Variants in ZCCHC2 observed in about 807,000 individuals in gnomAD.
ZCCHC2 encodes the protein zinc finger CCHC-type containing 2, also known as zinc finger CCHC domain-containing protein 2.
A neutral mutation model predicts 103.6 loss-of-function variants in ZCCHC2; 39 were observed. The observed-to-expected ratio is 0.38, with a 90% CI of 0.29 to 0.49. The LOEUF is 0.49. ZCCHC2 is among the 20% of genes least tolerant of loss of function. ZCCHC2 has a pLI of 0.96. For missense variants in ZCCHC2, 1,483 were observed against 1,491.0 expected, an observed-to-expected ratio of 0.99 and a Z score of 0.09; for synonymous variants, 687 against 608.9, an observed-to-expected ratio of 1.13 and a Z score of -1.89.
In ZCCHC2 at chr18:62,538,024, C is replaced by T. The variant is rs1321521944; in HGVS notation, c.940-1657C>T. ...ATGAAAACATTTTTTTCATATTTTGCATTAGTTTACATTTGAAAGTATTGC... is the reference window on the plus strand; with the variant it reads ...ATGAAAACATTTTTTTCATATTTTGTATTAGTTTACATTTGAAAGTATTGC... On this transcript the variant is annotated intron_variant, in intron 1 of 13. Transcript: ENST00000269499. Among the ~76,000 whole-genome samples, 3 of 152,152 alleles carry T rather than the reference C, an allele frequency of 2.0e-5. No homozygotes were observed. The East Asian group carries it at 5.8e-4, about 29-fold the overall frequency.
intron 1 of ZCCHC2, among the ~76,000 whole-genome samples, chr18:62,527,756 T>A (rs1011775273): frequency 6.6e-6 from 1 of 152,222 alleles, no homozygotes. Flanking sequence ...TACAGACTGC[T>A]TATATAGCAT....
intron 11 of ZCCHC2, among the ~76,000 whole-genome samples, chr18:62,567,660 A>G (rs533978847): frequency 1.3e-5 from 2 of 152,244 alleles, no homozygotes; most frequent in East Asian, 1.9e-4. Flanking sequence ...AATGCTCACC[A>G]TGGCCAGGCG....
intron 1 of ZCCHC2, among the ~76,000 whole-genome samples, chr18:62,527,743 A>G (rs530981418): frequency 2.0e-5 from 3 of 152,212 alleles, no homozygotes; most frequent in Non-Finnish European, 4.4e-5. Context: ...TGTGTTAGGA[A>G]GTTACAGACT....
rs748361625 is a variant in ZCCHC2, at chr18:62,574,212, C to T, written c.2131C>T (p.Pro711Ser). 5 of 1,614,032 alleles carry T rather than the reference C, an allele frequency of 3.1e-6. No homozygotes were observed. The highest frequency in any genetic ancestry group is 4.2e-6 in the Non-Finnish European group (5 of 1,179,898). The change falls in exon 13 of 14, where the codon CCC becomes TCC. Residue 711 changes from proline (P) to serine (S), a missense_variant. By Grantham distance (74) the Pro-to-Ser change is moderately conservative (BLOSUM62 -1). Around this residue, in one of 3 missense-constraint regions of ZCCHC2, gnomAD observed 884 missense variants for 907.5 expected, o/e 0.97. Coordinates refer to ENST00000269499, the MANE Select transcript of ZCCHC2 (RefSeq NM_017742.6). ...CCTTTTAGAAGATCCCTTAAACTCA[C>T]CCAAGTATCAGCATATTTCTTTTAT... Reference protein sequence around the residue: ...GNLLEDPLNSPKYQHISFMPT... With the variant: ...GNLLEDPLNSSKYQHISFMPT...
Position 62,575,075 on chromosome 18 carries a change from T to C in ZCCHC2, c.2994T>C (p.Asn998=). 1 of 1,613,980 alleles carries C rather than the reference T, an allele frequency of 6.2e-7. No homozygotes were observed. Among genetic ancestry groups the C allele is most frequent in the African/African-American group, 1.3e-5 (1 of 75,044 alleles). ...YISAVGNTNA[N]GTVVPPQQMG... is the part of the protein sequence containing the mutation. The stretch of plus-strand genomic sequence containing the variant: ...GTGCTGTGGGGAACACGAACGCTAA[T>C]GGGACAGTAGTGCCACCGCAGCAGA... Residue 998 remains asparagine, a synonymous_variant, in exon 13 of 14, where the codon AAT becomes AAC. Transcript: ENST00000269499.
chr18:62,540,951 A>G (rs958072238), intron 2 of ZCCHC2, among the ~76,000 whole-genome samples: 6 of 152,216 alleles, frequency 3.9e-5, no homozygotes, highest in Non-Finnish European at 8.8e-5. Flanking sequence ...CTGTAATGTC[A>G]TAGTGGCTTT....
At position 62,523,376 on chromosome 18, in the gene ZCCHC2, G is replaced by GGGGGGGGGCCC; in HGVS notation, c.-49_-48insGGGGGGGGCCC. 3.6e-5 allele frequency: 36 copies of GGGGGGGGGCCC among 1,012,298 alleles called. No individual in the cohort carries two copies. Among genetic ancestry groups the GGGGGGGGGCCC allele is most frequent in the Non-Finnish European group, 4.2e-5 (36 of 848,936 alleles). The allele number at this position is 1,012,298 out of a possible 1,614,324, so 62.7% of individuals were successfully genotyped here. On this transcript the variant is annotated 5_prime_UTR_variant, in exon 1 of 14. Coordinates refer to ENST00000269499, the MANE Select transcript of ZCCHC2 (RefSeq NM_017742.6). ...GCCTCGGCCCGTGCTCCACCTCGCGGCCCCTCCCGCCCGCCCCCGCTCGCA... is the reference window on the plus strand; with the variant it reads ...GCCTCGGCCCGTGCTCCACCTCGCGGGGGGGGGGCCCCCCCTCCCGCCCGCCCCCGCTCGCA...
chr18:62,575,929 T>A (rs1916824150), intron 13 of ZCCHC2, among the ~76,000 whole-genome samples: 1 of 152,068 alleles, frequency 6.6e-6, no homozygotes, highest in Non-Finnish European at 1.5e-5. Flanking sequence ...AGTAATTTAG[T>A]TATCTGACAT....
rs1916879995 is a variant in ZCCHC2 at position 62,577,149 on chromosome 18, A to G, written c.*570A>G. The G allele has an allele frequency of 1.3e-5, 2 of 154,304 alleles. No homozygotes were observed. The highest frequency in any genetic ancestry group is 2.4e-5 in the African/African-American group (1 of 41,458). 9.6% of individuals were successfully genotyped at this position (154,304 alleles called of 1,614,324 possible). On this transcript the variant is annotated 3_prime_UTR_variant, in exon 14 of 14. Coordinates refer to ENST00000269499, the MANE Select transcript of ZCCHC2 (RefSeq NM_017742.6). ...TCACCCTGATCTTATGGGAGGAATCAAACTCCCAAAATAGTGTGTATATAT... is the reference window on the plus strand; with the variant it reads ...TCACCCTGATCTTATGGGAGGAATCGAACTCCCAAAATAGTGTGTATATAT...
At chr18:62,567,280 A>G (rs1376840817) in intron 11 of ZCCHC2, among the ~76,000 whole-genome samples, 1 of 152,230 alleles carries the variant, frequency 6.6e-6, no homozygotes, top group Non-Finnish European at 1.5e-5. Context: ...TTTTTATGGA[A>G]CAACAGCTCA....
Position 62,539,671 on chromosome 18 carries a change from T to C in ZCCHC2, c.940-10T>C, listed in dbSNP as rs1915088278. On this transcript the variant is annotated splice_polypyrimidine_tract_variant and intron_variant, in intron 1 of 13. Transcript: ENST00000269499. ...GTTTAAGTTAACGTATCTCCCTCTTTCTCATCTAGAACAACTCTGCTCATG... is the reference window on the plus strand; with the variant it reads ...GTTTAAGTTAACGTATCTCCCTCTTCCTCATCTAGAACAACTCTGCTCATG... 6.4e-7 allele frequency: 1 copy of C among 1,571,686 alleles called. No homozygotes were observed. Among genetic ancestry groups the C allele is most frequent in the African/African-American group, 1.4e-5 (1 of 73,878 alleles).
chr18:62,575,134 G>C lies in ZCCHC2; in HGVS notation c.3053G>C (p.Arg1018Thr), dbSNP rs754173374. Residue 1018 changes from arginine to threonine, a missense_variant, in exon 13 of 14, where the codon AGG (arginine) becomes ACG (threonine). By Grantham distance (71) the Arg-to-Thr change is moderately conservative. Transcript: ENST00000269499. ...GSGPCGSCGR[R>T]CSCGTNGNLQ... ...GGTCCTTGTGGTTCTTGTGGGCGAAGGTGCAGCTGTGGGACCAATGGAAAC... is the reference window on the plus strand; with the variant it reads ...GGTCCTTGTGGTTCTTGTGGGCGAACGTGCAGCTGTGGGACCAATGGAAAC... 3 of 1,614,020 alleles carry C rather than the reference G, an allele frequency of 1.9e-6. No individual in the cohort carries two copies. Among genetic ancestry groups the C allele is most frequent in the Non-Finnish European group, 2.5e-6 (3 of 1,179,900 alleles).
chr18:62,579,356 CA>C (rs1254343429), downstream of ZCCHC2, among the ~76,000 whole-genome samples: 1 of 152,166 alleles, frequency 6.6e-6, no homozygotes, highest in Non-Finnish European at 1.5e-5. Flanking sequence ...AATCCAGGCT[CA>C]AAGTTTTTAA....
intron 4 of ZCCHC2, among the ~76,000 whole-genome samples, chr18:62,549,369 A>G (rs1915566420): frequency 6.6e-6 from 1 of 152,264 alleles, no homozygotes; most frequent in African/African-American, 2.4e-5. Flanking sequence ...TACTGTACCC[A>G]CAATGAGGAA....
At chr18:62,562,891 G>A in intron 8 of ZCCHC2, 118 bp from the exon 9 acceptor site, 2 of 1,138,110 alleles carry the variant, frequency 1.8e-6, no homozygotes, top group Non-Finnish European at 2.5e-6. Flanking sequence ...CCTATCATTA[G>A]GCATTCCTTG....
chr18:62,553,443 T>A (rs1186834561), intron 5 of ZCCHC2, among the ~76,000 whole-genome samples: 1 of 152,056 alleles, frequency 6.6e-6, no homozygotes, highest in Non-Finnish European at 1.5e-5. Flanking sequence ...ATTATTTAAT[T>A]TTTTACTTTT....
chr18:62,558,288 G>A (rs1280801944), intron 6 of ZCCHC2, among the ~76,000 whole-genome samples: 1 of 152,130 alleles, frequency 6.6e-6, no homozygotes, highest in Non-Finnish European at 1.5e-5. Flanking sequence ...TTAACAATTT[G>A]ACAGTGCCAC....
chr18:62,547,412 T>C (rs984269620), intron 4 of ZCCHC2, among the ~76,000 whole-genome samples: 2 of 152,060 alleles, frequency 1.3e-5, no homozygotes, highest in East Asian at 1.9e-4. Context: ...GTAGACCCCA[T>C]TGACCTGTAC....
chr18:62,570,074 ATTT>A, intron 11 of ZCCHC2, 26 bp from the exon 12 acceptor site: 1 of 1,543,100 alleles, frequency 6.5e-7, no homozygotes, highest in Non-Finnish European at 8.7e-7. Flanking sequence ...ACTTAACATG[ATTT>A]TTTAAAATAG....
Sources: allele counts gnomAD v4.1 joint callset (sites outside exome capture counted in the v4.1 genomes callset), GRCh38; gene constraint gnomAD v4.1.1; regional missense constraint gnomAD v4.1.1; transcripts MANE v1.5; gene names NCBI Gene and HGNC (gene_info 2026-07-23, HGNC 2026-07-21).